The following ATL2 variants were observed in gnomAD, a reference collection of about 807,000 sequenced individuals.
ATL2 encodes atlastin GTPase 2.
ATL2 carries 31 observed loss-of-function variants against 73.9 expected under a neutral mutation model. The observed-to-expected ratio is 0.42, with a 90% confidence interval of 0.32 to 0.57. The LOEUF is 0.57. Among genes scored for constraint, ATL2 ranks in the 20% least tolerant of loss-of-function variants. The pLI, the probability that ATL2 is intolerant of heterozygous loss-of-function variation, is 0.14. For missense variants in ATL2, 738 were observed against 702.6 expected (o/e 1.05, Z -0.57); for synonymous variants, 291 against 237.5 (o/e 1.23, Z -2.07).
At position 38,302,595 on chromosome 2, in the gene ATL2, G is replaced by GC. The variant is rs76626826; in HGVS notation, c.1072-2268dup. 6.8e-3 allele frequency among the ~76,000 whole-genome samples: 1,038 copies of GC among 152,256 alleles called. 10 individuals carry two copies. Among genetic ancestry groups the GC allele is most frequent in the East Asian group, 0.056 (288 of 5,174 alleles). ...GGTGCTTGTGTCACCCCCTCCCCCAGCTCCAGGCAGCTCAGCACAGAGACA... is the reference window on the plus strand; with the variant it reads ...GGTGCTTGTGTCACCCCCTCCCCCAGCCTCCAGGCAGCTCAGCACAGAGACA... On this transcript the variant is annotated intron_variant, in intron 9 of 12. Coordinates refer to ENST00000378954, the MANE Select transcript of ATL2 (RefSeq NM_001135673.4).
chr2:38,331,105 T>C (rs1460837373), intron 2 of ATL2, among the ~76,000 whole-genome samples: 1 of 151,794 alleles, frequency 6.6e-6, no homozygotes, highest in Non-Finnish European at 1.5e-5. Context: ...GAGACAAACC[T>C]GGGCAACACG....
At chr2:38,309,636 A>T (rs556102547) in intron 8 of ATL2, 130 bp from the exon 9 acceptor site, 90 of 921,470 alleles carry the variant, frequency 9.8e-5, no homozygotes, top group Admixed American at 5.6e-4. Flanking sequence ...TTCATTTTTT[A>T]AAAAAAAGCT....
chr2:38,306,612 T>G (rs1379786960), intron 9 of ATL2, among the ~76,000 whole-genome samples: 1 of 152,178 alleles, frequency 6.6e-6, no homozygotes, highest in Admixed American at 6.5e-5. Context: ...AGTCAATGAG[T>G]GTGATACATC....
At chr2:38,376,322 G>C (rs1009917937) in intron 1 of ATL2, 1 of 1,210,256 alleles carries the variant, frequency 8.3e-7, no homozygotes, top group Non-Finnish European at 1.1e-6. Context: ...GGGCAGGGGC[G>C]CTCCTGGTAC....
At chr2:38,374,470 C>T (rs1168911482) in intron 1 of ATL2, among the ~76,000 whole-genome samples, 2 of 152,168 alleles carry the variant, frequency 1.3e-5, no homozygotes, top group African/African-American at 2.4e-5. Flanking sequence ...AAGCTGCTTC[C>T]CTGCACCTAT....
intron 1 of ATL2, among the ~76,000 whole-genome samples, chr2:38,373,118 T>C (rs1420715041): frequency 6.6e-6 from 1 of 152,206 alleles, no homozygotes; most frequent in East Asian, 1.9e-4. Context: ...GGATTATCAC[T>C]ACCTTATATG....
At chr2:38,333,115 C>T (rs76479383) in intron 2 of ATL2, among the ~76,000 whole-genome samples, 2,521 of 152,200 alleles carry the variant, frequency 0.017, 158 homozygotes, top group East Asian at 0.14. Flanking sequence ...ACAATCCCAG[C>T]ACTTTGGGAA....
intron 2 of ATL2, among the ~76,000 whole-genome samples, chr2:38,322,737 G>C (rs553524066): frequency 6.6e-6 from 1 of 152,130 alleles, no homozygotes; most frequent in Non-Finnish European, 1.5e-5. Context: ...GAAAGAAGCT[G>C]AGTGTGGTGG....
intron 2 of ATL2, among the ~76,000 whole-genome samples, chr2:38,337,866 C>T (rs1669464862): frequency 6.6e-6 from 1 of 152,074 alleles, no homozygotes; most frequent in African/African-American, 2.4e-5. Flanking sequence ...GAAGCAACTC[C>T]ATAGAGAATT....
At chr2:38,305,759 A>G (rs972300699) in intron 9 of ATL2, among the ~76,000 whole-genome samples, 1 of 152,160 alleles carries the variant, frequency 6.6e-6, no homozygotes, top group Non-Finnish European at 1.5e-5. Context: ...ACAACATACC[A>G]AATATATGGG....
At chr2:38,303,359 T>C (rs1667281639) in intron 9 of ATL2, among the ~76,000 whole-genome samples, 1 of 151,912 alleles carries the variant, frequency 6.6e-6, no homozygotes, top group African/African-American at 2.4e-5. Context: ...GCGTGCGCCA[T>C]CATGCCTGGC....
intron 2 of ATL2, among the ~76,000 whole-genome samples, chr2:38,322,165 G>C (rs1668362181): frequency 6.6e-6 from 1 of 151,186 alleles, no homozygotes; most frequent in South Asian, 2.1e-4. Context: ...GTTCTGACAT[G>C]GAGAATCTCA....
At chr2:38,343,559 C>G (rs372383059) in intron 1 of ATL2, 47 bp from the exon 2 acceptor site, 1 of 1,561,584 alleles carries the variant, frequency 6.4e-7, no homozygotes, top group Non-Finnish European at 8.7e-7. Flanking sequence ...CCCTATATTA[C>G]GAACTTTCAT....
chr2:38,342,907 A>G (rs751813438), intron 2 of ATL2, among the ~76,000 whole-genome samples: 58 of 151,896 alleles, frequency 3.8e-4, no homozygotes, highest in Non-Finnish European at 5.3e-4. Flanking sequence ...ATAAAGAATT[A>G]TATTTCTATA....
chr2:38,359,632 T>A (rs1670887491), intron 1 of ATL2: 2 of 152,188 alleles, frequency 1.3e-5, no homozygotes, highest in African/African-American at 4.8e-5. Flanking sequence ...TAACTACCAC[T>A]GATGTCACAG....
intron 9 of ATL2, among the ~76,000 whole-genome samples, chr2:38,307,431 G>A (rs1157637111): frequency 6.6e-6 from 1 of 151,056 alleles, no homozygotes; most frequent in African/African-American, 2.4e-5. Context: ...CCTGGGAGGC[G>A]GACGTTACAG....
intron 1 of ATL2, among the ~76,000 whole-genome samples, chr2:38,347,541 T>G (rs1467938023): frequency 1.3e-5 from 2 of 152,164 alleles, no homozygotes; most frequent in Non-Finnish European, 2.9e-5. Flanking sequence ...ATAGTTTTTT[T>G]CAATTCCTAA....
At chr2:38,313,415 A>C (rs1667861331) in intron 6 of ATL2, among the ~76,000 whole-genome samples, 172 bp from the exon 7 acceptor site, 1 of 152,218 alleles carries the variant, frequency 6.6e-6, no homozygotes, top group Non-Finnish European at 1.5e-5. Context: ...CCACTTAAAC[A>C]ACATTCTCAG....
chr2:38,332,708 T>C (rs1669070570), intron 2 of ATL2, among the ~76,000 whole-genome samples: 1 of 152,286 alleles, frequency 6.6e-6, no homozygotes, highest in East Asian at 1.9e-4. Context: ...AAAACCCACT[T>C]GTATAACACT....
Sources: allele counts gnomAD v4.1 joint callset (sites outside exome capture counted in the v4.1 genomes callset), GRCh38; gene constraint gnomAD v4.1.1; transcripts MANE v1.5; gene names NCBI Gene and HGNC (gene_info 2026-07-23, HGNC 2026-07-21).